DCC: variants seen among roughly 807,000 people sequenced by gnomAD.
The protein encoded by DCC is DCC netrin 1 receptor, also known as netrin receptor DCC.
DCC carries 58 observed loss-of-function variants against 172.5 expected under a neutral mutation model. The ratio of observed to expected loss-of-function variants is 0.34; its 90% CI spans 0.27 to 0.42. DCC has a LOEUF of 0.42. DCC is among the 10% of genes least tolerant of loss of function. The pLI is 1.00. For synonymous variants in DCC, 709 were observed against 644.5 expected, an observed-to-expected ratio of 1.10 and a Z score of -1.52; for missense variants, 1,740 against 1,791.0, an observed-to-expected ratio of 0.97 and a Z score of 0.51.
intron 1 of DCC, among the ~76,000 whole-genome samples, chr18:52,450,904 T>C (rs1402573410): frequency 1.3e-5 from 2 of 152,200 alleles, no homozygotes; most frequent in African/African-American, 4.8e-5. Flanking sequence ...ATATTAATAA[T>C]TCAAGAAAAT....
chr18:52,961,906 T>G lies in DCC; in HGVS notation c.985+36536T>G, dbSNP rs1184658209. Among the ~76,000 whole-genome samples the G allele has an allele frequency of 2.6e-5, 4 of 152,318 alleles. No individual in the cohort carries two copies. The East Asian group carries it at 7.7e-4, about 29-fold the overall frequency. On this transcript the variant is annotated intron_variant, in intron 5 of 28. Transcript: ENST00000442544. ...GTGCTGGGAAAACTGGCTAGCCATA[T>G]GTAGAAAGCTGAAACTGGATCCCTT...
chr18:53,152,182 G>A (rs1258637865), intron 7 of DCC, among the ~76,000 whole-genome samples: 1 of 152,176 alleles, frequency 6.6e-6, no homozygotes, highest in Admixed American at 6.5e-5. Flanking sequence ...ATATTTTAGT[G>A]AGCAACATGG....
At chr18:53,250,434 T>A (rs776154885) in intron 12 of DCC, among the ~76,000 whole-genome samples, 8 of 151,868 alleles carry the variant, frequency 5.3e-5, no homozygotes, top group Non-Finnish European at 2.9e-5. Flanking sequence ...ACAAGTGACT[T>A]GGCAATCAGC....
intron 1 of DCC, among the ~76,000 whole-genome samples, chr18:52,460,880 T>C (rs907064089): frequency 6.6e-6 from 1 of 152,172 alleles, no homozygotes; most frequent in Non-Finnish European, 1.5e-5. Context: ...GGTAAATGAA[T>C]ATAAAGGCCT....
At chr18:53,363,480 G>A (rs1400743842) in intron 15 of DCC, among the ~76,000 whole-genome samples, 1 of 152,156 alleles carries the variant, frequency 6.6e-6, no homozygotes, top group Admixed American at 6.6e-5. Flanking sequence ...GAAGAATAAA[G>A]GTATGCAAGG....
At chr18:53,035,118 C>T (rs1480800257) in intron 5 of DCC, among the ~76,000 whole-genome samples, 1 of 151,626 alleles carries the variant, frequency 6.6e-6, no homozygotes, top group Admixed American at 6.6e-5. Context: ...ATGTAATGAT[C>T]AAGTCAGGGT....
chr18:53,116,592 C>G (rs2043412431), intron 7 of DCC, among the ~76,000 whole-genome samples: 2 of 151,638 alleles, frequency 1.3e-5, no homozygotes, highest in Admixed American at 1.3e-4. Context: ...TACACAGTTG[C>G]AGCTATTCAT....
chr18:53,116,903 GT>G (rs1302034911), intron 7 of DCC, among the ~76,000 whole-genome samples: 3 of 151,580 alleles, frequency 2.0e-5, no homozygotes, highest in African/African-American at 7.3e-5. Flanking sequence ...TATTAAGTTA[GT>G]TTTGAAAAAG....
intron 2 of DCC, among the ~76,000 whole-genome samples, chr18:52,866,832 A>C (rs1224912103): frequency 6.6e-6 from 1 of 152,114 alleles, no homozygotes; most frequent in Non-Finnish European, 1.5e-5. Flanking sequence ...CTGCAAACAG[A>C]CAATTTGCTT....
At chr18:52,986,835 T>TACACACACACACACACAC (rs147730924) in intron 5 of DCC, among the ~76,000 whole-genome samples, 1 of 135,990 alleles carries the variant, frequency 7.4e-6, no homozygotes, top group African/African-American at 2.9e-5. Flanking sequence ...CACATATACA[T>TACACACACACACACACAC]ACACACACAC....
intron 2 of DCC, among the ~76,000 whole-genome samples, chr18:52,781,304 A>G (rs1228468750): frequency 6.6e-6 from 1 of 152,088 alleles, no homozygotes; most frequent in Non-Finnish European, 1.5e-5. Flanking sequence ...ATAGTGCGGG[A>G]AGATCAGAGT....
chr18:52,660,387 A>G (rs1177330949), intron 1 of DCC, among the ~76,000 whole-genome samples: 1 of 152,062 alleles, frequency 6.6e-6, no homozygotes, highest in African/African-American at 2.4e-5. Flanking sequence ...GTCAATTTAA[A>G]TCCAAACCAC....
intron 5 of DCC, among the ~76,000 whole-genome samples, chr18:52,969,744 G>A (rs1018706496): frequency 1.3e-5 from 2 of 151,970 alleles, no homozygotes; most frequent in East Asian, 1.9e-4. Flanking sequence ...TTTCAGGATA[G>A]GCTGAAAAGT....
At chr18:52,563,093 G>A (rs1261108510) in intron 1 of DCC, among the ~76,000 whole-genome samples, 1 of 152,132 alleles carries the variant, frequency 6.6e-6, no homozygotes, top group Non-Finnish European at 1.5e-5. Context: ...TCTCCGTTAG[G>A]TAGAAGTGGC....
At chr18:53,023,204 C>A (rs1369474551) in intron 5 of DCC, among the ~76,000 whole-genome samples, 2 of 151,544 alleles carry the variant, frequency 1.3e-5, no homozygotes, top group Admixed American at 6.6e-5. Context: ...GTTTATATAA[C>A]CACAAAAATT....
chr18:53,054,929 C>A (rs981787224), intron 5 of DCC, among the ~76,000 whole-genome samples: 1 of 152,186 alleles, frequency 6.6e-6, no homozygotes, highest in African/African-American at 2.4e-5. Flanking sequence ...GAATAGCTTA[C>A]TATTTGTCCT....
chr18:53,489,073 A>G (rs1189822031), intron 26 of DCC, among the ~76,000 whole-genome samples: 1 of 152,118 alleles, frequency 6.6e-6, no homozygotes, highest in Admixed American at 6.6e-5. Context: ...GCAGAAAAAA[A>G]AAAAAGAAAT....
rs1350488598 is a variant in DCC at position 53,534,970 on chromosome 18, A to G, written c.*4317A>G. ...CTATGATTGTTGTTGGTAGAAGAGC[A>G]AGAGCAAAACTCTGCAAGATTTAAT... is the stretch of plus-strand genomic sequence containing the variant. On this transcript the variant is annotated 3_prime_UTR_variant, in exon 29 of 29. Transcript: ENST00000442544. 1 of 152,220 alleles carries G rather than the reference A, an allele frequency of 6.6e-6. No homozygotes were observed. The highest frequency in any genetic ancestry group is 2.4e-5 in the African/African-American group (1 of 41,462). 9.4% of individuals were successfully genotyped at this position (152,220 alleles called of 1,614,324 possible).
At chr18:52,582,304 C>T (rs1292833743) in intron 1 of DCC, among the ~76,000 whole-genome samples, 1 of 152,174 alleles carries the variant, frequency 6.6e-6, no homozygotes, top group Non-Finnish European at 1.5e-5. Flanking sequence ...ACCCCTACCT[C>T]TGATTTCCCC....
Sources: allele counts gnomAD v4.1 joint callset (sites outside exome capture counted in the v4.1 genomes callset), GRCh38; gene constraint gnomAD v4.1.1; transcripts MANE v1.5; gene names NCBI Gene and HGNC (gene_info 2026-07-23, HGNC 2026-07-21).